Variants in PRKACA observed in about 807,000 individuals in gnomAD.
PRKACA encodes the protein protein kinase cAMP-activated catalytic subunit alpha.
Under a neutral mutation model 45.8 loss-of-function variants are expected in PRKACA, and 9 were observed. The ratio of observed to expected loss-of-function variants is 0.20; its 90% confidence interval spans 0.12 to 0.34. PRKACA has a LOEUF of 0.34. Among genes scored for constraint, PRKACA ranks in the 10% least tolerant of loss-of-function variants. The pLI is 1.00. For synonymous variants in PRKACA, 160 were observed against 178.6 expected (o/e 0.90, Z 0.83); for missense variants, 238 against 458.6 (o/e 0.52, Z 4.39).
intron 8 of PRKACA, chr19:14,096,459 G>A (rs1977263061): frequency 6.6e-6 from 1 of 151,990 alleles, no homozygotes. Context: ...TTACAGGTGT[G>A]AGCCATTGTA....
chr19:14,114,175 G>A (rs1360578619), intron 1 of PRKACA: 1 of 1,609,714 alleles, frequency 6.2e-7, no homozygotes, highest in Non-Finnish European at 8.5e-7. Context: ...CTGTTCTCAG[G>A]GCACCGGCAC....
intron 1 of PRKACA, chr19:14,108,193 GT>G (rs1977669342): frequency 1.3e-5 from 13 of 977,100 alleles, no homozygotes; most frequent in Middle Eastern, 5.2e-4. Context: ...TCAAGATCCA[GT>G]TCAGAGCCCA....
chr19:14,114,721 T>C (rs1967072219), intron 1 of PRKACA, among the ~76,000 whole-genome samples: 1 of 152,102 alleles, frequency 6.6e-6, no homozygotes. Flanking sequence ...GCCTGGGCCT[T>C]AGTCTTTTTT....
At chr19:14,105,110 T>C (rs1000443253) in intron 3 of PRKACA, among the ~76,000 whole-genome samples, 3 of 152,166 alleles carry the variant, frequency 2.0e-5, no homozygotes, top group African/African-American at 4.8e-5. Flanking sequence ...TCCGAAGTCA[T>C]GGAGGACTGG....
chr19:14,094,194 A>G (rs923174431), intron 8 of PRKACA, among the ~76,000 whole-genome samples: 37 of 143,504 alleles, frequency 2.6e-4, no homozygotes, highest in African/African-American at 9.7e-4. Flanking sequence ...TGAAAAAAAA[A>G]AAAAAAAAAA....
rs1049332377 is a variant in PRKACA at position 14,106,393 on chromosome 19, C to A, written c.237+367G>T. ...AAGCGGCCAGGCGCGGTGGCTCACGCCTGTAATCCCAGCACTTTGGGAGGC... is the reference window on the plus strand; with the variant it reads ...AAGCGGCCAGGCGCGGTGGCTCACGACTGTAATCCCAGCACTTTGGGAGGC... On this transcript the variant is annotated intron_variant, in intron 3 of 9. Transcript: ENST00000308677. Among the ~76,000 whole-genome samples, 8 of 152,220 alleles carry A rather than the reference C, an allele frequency of 5.3e-5. No homozygotes were observed. In the South Asian group the frequency reaches 1.0e-3, roughly 20 times the overall value.
chr19:14,114,500 T>TG (rs1161161360), intron 1 of PRKACA, among the ~76,000 whole-genome samples: 2 of 151,916 alleles, frequency 1.3e-5, no homozygotes, highest in Admixed American at 6.6e-5. Flanking sequence ...AGGGTCTTCT[T>TG]GGGGGGTGCT....
Position 14,117,681 on chromosome 19 carries a change from C to T in PRKACA, c.-134G>A. 2.8e-6 allele frequency: 1 copy of T among 357,854 alleles called. No individual in the cohort carries two copies. Among genetic ancestry groups the T allele is most frequent in the Non-Finnish European group, 3.9e-6 (1 of 257,526 alleles). 22.2% of individuals were successfully genotyped at this position (357,854 alleles called of 1,614,324 possible). On this transcript the variant is annotated 5_prime_UTR_variant, in exon 1 of 10. Coordinates refer to ENST00000308677, the MANE Select transcript of PRKACA (RefSeq NM_002730.4). ...GGCTGCGCTAGCTGCGGCGCCGCGACCCCCGCCCAGCCCCTGCTTCCCGCG... is the reference window on the plus strand; with the variant it reads ...GGCTGCGCTAGCTGCGGCGCCGCGATCCCCGCCCAGCCCCTGCTTCCCGCG...
intron 3 of PRKACA, among the ~76,000 whole-genome samples, chr19:14,106,007 G>A (rs41296272): frequency 0.029 from 4,349 of 152,098 alleles, 191 homozygotes; most frequent in African/African-American, 0.093. Context: ...TTGGGAAGGC[G>A]GCACAGGGCC....
intron 5 of PRKACA, 85 bp downstream of exon 5, chr19:14,100,741 C>T (rs866975276): frequency 8.9e-6 from 12 of 1,349,756 alleles, no homozygotes; most frequent in Middle Eastern, 4.2e-4. Context: ...ATGCTGGACT[C>T]CTCTGCATTC....
rs930563372 is a variant in PRKACA at position 14,092,420 on chromosome 19, C to G, written c.*692G>C. 1 of 384,402 alleles carries G rather than the reference C, an allele frequency of 2.6e-6. No homozygotes were observed. Among genetic ancestry groups the G allele is most frequent in the Non-Finnish European group, 4.6e-6 (1 of 218,102 alleles). The allele number at this position is 384,402 out of a possible 1,614,324, so 23.8% of individuals were successfully genotyped here. ...GGAGGGGCCCAGGGGAGATTAGCAG[C>G]GGGGAGGTTCAAACCCCAGCGCCTC... is the stretch of plus-strand genomic sequence containing the variant. On this transcript the variant is annotated 3_prime_UTR_variant, in exon 10 of 10. Coordinates refer to ENST00000308677, the MANE Select transcript of PRKACA (RefSeq NM_002730.4).
At chr19:14,104,817 G>T (rs1186808573) in intron 3 of PRKACA, among the ~76,000 whole-genome samples, 2 of 152,102 alleles carry the variant, frequency 1.3e-5, no homozygotes, top group Admixed American at 6.6e-5. Flanking sequence ...AGGTTGTAGT[G>T]AGCTGAGATC....
chr19:14,092,747 C>T lies in PRKACA; in HGVS notation c.*365G>A, dbSNP rs1977118149. The stretch of plus-strand genomic sequence containing the variant: ...GTGGGGGCTGGAGTTAAGCGTGAGC[C>T]CCTCTTTCCATACCCTGTCCCTGGA... On this transcript the variant is annotated 3_prime_UTR_variant, in exon 10 of 10. Coordinates refer to ENST00000308677, the MANE Select transcript of PRKACA (RefSeq NM_002730.4). 1 of 409,582 alleles carries T rather than the reference C, an allele frequency of 2.4e-6. No homozygotes were observed. Among genetic ancestry groups the T allele is most frequent in the Non-Finnish European group, 4.3e-6 (1 of 231,364 alleles). 25.4% of individuals were successfully genotyped at this position (409,582 alleles called of 1,614,324 possible).
At position 14,092,940 on chromosome 19, in the gene PRKACA, C is replaced by T. The variant is rs976116154; in HGVS notation, c.*172G>A. 5 of 782,410 alleles carry T rather than the reference C, an allele frequency of 6.4e-6. No individual in the cohort carries two copies. In the South Asian group the frequency reaches 6.9e-5, roughly 11 times the overall value. The allele number at this position is 782,410 out of a possible 1,614,324, so 48.5% of individuals were successfully genotyped here. On this transcript the variant is annotated 3_prime_UTR_variant, in exon 10 of 10. Coordinates refer to ENST00000308677, the MANE Select transcript of PRKACA (RefSeq NM_002730.4). ...GAGGGGGAGCAGCTGGTGTTTCTGT[C>T]CCTCTGATTATCTGGGCTTCCTGCT...
Position 14,097,854 on chromosome 19 carries a change from G to A in PRKACA, c.456C>T (p.Val152=). 1 of 1,614,166 alleles carries A rather than the reference G, an allele frequency of 6.2e-7. No homozygotes were observed. Among genetic ancestry groups the A allele is most frequent in the Non-Finnish European group, 8.5e-7 (1 of 1,180,036 alleles). Residue 152 remains valine (V), a synonymous_variant, in exon 6 of 10, where the codon GTC becomes GTT. Transcript: ENST00000308677. This position sits in a 1 kb window ranked among gnomAD's most constrained non-coding sequence, Gnocchi z 5.4. ...PHARFYAAQI[V]LTFEYLHSLD... is the part of the protein sequence containing the mutation. Reference sequence around the variant, plus strand: ...GCGAGTGCAGATACTCAAAGGTCAGGACGATCTGGGCCGCGTAGAAACGGG... The same window carrying A: ...GCGAGTGCAGATACTCAAAGGTCAGAACGATCTGGGCCGCGTAGAAACGGG...
At chr19:14,098,963 T>C (rs992290103) in intron 5 of PRKACA, among the ~76,000 whole-genome samples, 4 of 152,128 alleles carry the variant, frequency 2.6e-5, no homozygotes, top group South Asian at 2.1e-4. Context: ...TTTTGTTGTA[T>C]GTAAAGTGAA....
At chr19:14,096,043 T>TTG (rs1977244842) in intron 8 of PRKACA, among the ~76,000 whole-genome samples, 3 of 145,592 alleles carry the variant, frequency 2.1e-5, no homozygotes, top group African/African-American at 7.7e-5. Flanking sequence ...TTTTTTTTTT[T>TTG]TTTTTTTTTT....
At position 14,092,825 on chromosome 19, in the gene PRKACA, C is replaced by T. The variant is rs1384457276; in HGVS notation, c.*287G>A. 2 of 455,530 alleles carry T rather than the reference C, an allele frequency of 4.4e-6. No homozygotes were observed. Among genetic ancestry groups the T allele is most frequent in the Non-Finnish European group, 7.6e-6 (2 of 264,408 alleles). The allele number at this position is 455,530 out of a possible 1,614,324, so 28.2% of individuals were successfully genotyped here. On this transcript the variant is annotated 3_prime_UTR_variant, in exon 10 of 10. Coordinates refer to ENST00000308677, the MANE Select transcript of PRKACA (RefSeq NM_002730.4). Reference sequence around the variant, plus strand: ...AGTTGAGAAACTCGTTTAAAACAGGCAGAAGTGGGCTGGGAGGGCTGAGGG... The same window carrying T: ...AGTTGAGAAACTCGTTTAAAACAGGTAGAAGTGGGCTGGGAGGGCTGAGGG...
chr19:14,102,690 C>T (rs1022236625), intron 4 of PRKACA, 126 bp downstream of exon 4: 23 of 810,674 alleles, frequency 2.8e-5, no homozygotes, highest in African/African-American at 2.2e-4. Context: ...CTCCCTCCTC[C>T]AGGGATCTTG....
Sources: allele counts gnomAD v4.1 joint callset (sites outside exome capture counted in the v4.1 genomes callset), GRCh38; gene constraint gnomAD v4.1.1; non-coding constraint Gnocchi (gnomAD v3.1); transcripts MANE v1.5; gene names NCBI Gene and HGNC (gene_info 2026-07-23, HGNC 2026-07-21).